PES1: variants seen among roughly 807,000 people sequenced by gnomAD.
The protein encoded by PES1 is pescadillo homolog.
A neutral mutation model predicts 77.1 loss-of-function variants in PES1; 31 were observed. The observed-to-expected ratio is 0.40, with a 90% CI of 0.30 to 0.54. The LOEUF (loss-of-function observed/expected upper bound fraction) is 0.54, where lower values mean the gene tolerates loss of function less well. Among genes scored for constraint, PES1 ranks in the 20% least tolerant of loss-of-function variants. PES1 has a pLI of 0.45. For missense variants in PES1, 658 were observed against 771.7 expected, an observed-to-expected ratio of 0.85 and a Z score of 1.75; for synonymous variants, 282 against 303.0, an observed-to-expected ratio of 0.93 and a Z score of 0.72.
upstream of PES1, among the ~76,000 whole-genome samples, chr22:30,593,769 C>T (rs139408527): frequency 8.8e-5 from 13 of 147,108 alleles, no homozygotes; most frequent in East Asian, 5.8e-4. Context: ...TCAAAATAGC[C>T]GTCATATAGG....
chr22:30,595,126 C>T (rs1407554390), upstream of PES1, among the ~76,000 whole-genome samples: 1 of 152,094 alleles, frequency 6.6e-6, no homozygotes, highest in African/African-American at 2.4e-5. Context: ...CTCCTGTTGC[C>T]CTGGACAATG....
rs756817902 is a variant in PES1 at position 30,581,413 on chromosome 22, T to C, written c.748-5A>G. 5 of 1,613,418 alleles carry C rather than the reference T, an allele frequency of 3.1e-6. No homozygotes were observed. Among genetic ancestry groups the C allele is most frequent in the Non-Finnish European group, 2.5e-6 (3 of 1,179,974 alleles). ...TGCTTGGGCCTGACCCTCGAGCTAG[T>C]AGGCAAAGGGAAGGTCAGGAGGCAG... On this transcript the variant is annotated splice_region_variant and splice_polypyrimidine_tract_variant and intron_variant, in intron 7 of 14. Transcript: ENST00000354694.
Position 30,584,371 on chromosome 22 carries a change from G to A in PES1, c.624C>T (p.Ser208=), listed in dbSNP as rs138940650. ...PIVWITPYAF[S]HDHPTDVDYR... ...TCCCGACAGGCACACTCACGTCATGGGAGAAGGCATAGGGAGTGATCCACA... is the reference window on the plus strand; with the variant it reads ...TCCCGACAGGCACACTCACGTCATGAGAGAAGGCATAGGGAGTGATCCACA... Residue 208 remains serine, a synonymous_variant, in exon 6 of 15, where the codon TCC becomes TCT. Transcript: ENST00000354694. 53 of 1,609,248 alleles carry A rather than the reference G, an allele frequency of 3.3e-5. No individual in the cohort carries two copies. The highest frequency in any genetic ancestry group is 1.0e-4 in the South Asian group (9 of 90,230).
chr22:30,597,853 C>A (rs115692194), intron 2 of PES1, among the ~76,000 whole-genome samples: 2 of 143,726 alleles, frequency 1.4e-5, no homozygotes, highest in African/African-American at 5.2e-5. Flanking sequence ...GTAACTCGCT[C>A]GGTTTTTTTT....
At chr22:30,588,826 C>T (rs1310287566) in intron 2 of PES1, among the ~76,000 whole-genome samples, 1 of 151,328 alleles carries the variant, frequency 6.6e-6, no homozygotes, top group Non-Finnish European at 1.5e-5. Context: ...GCCACAAAGG[C>T]CAGGGACCGC....
intron 2 of PES1, among the ~76,000 whole-genome samples, chr22:30,599,137 TC>T (rs1602028989): frequency 1.3e-5 from 2 of 152,182 alleles, no homozygotes; most frequent in East Asian, 3.9e-4. Flanking sequence ...TGACAAGTGA[TC>T]CACTTGCCTC....
In PES1 at chr22:30,587,057, C is replaced by T. The variant is rs377738551; in HGVS notation, c.368+229G>A. On this transcript the variant is annotated intron_variant, in intron 4 of 14. Coordinates refer to ENST00000354694, the MANE Select transcript of PES1 (RefSeq NM_014303.4). ...GGCCTCTGCTTGGATTGTGCTTCCG[C>T]GGGCTGGCTCAAACGTCTCCCTTCA... is the stretch of plus-strand genomic sequence containing the variant. 7.1e-4 allele frequency: 364 copies of T among 513,104 alleles called. 4 individuals are homozygous for T. The East Asian group carries it at 9.8e-3, about 14-fold the overall frequency. 31.8% of individuals were successfully genotyped at this position (513,104 alleles called of 1,614,324 possible). A position where few individuals can be genotyped will look rare whatever the true frequency, so the allele number is the denominator to read the frequency against.
chr22:30,601,656 TCAC>T (rs1265326363), intron 2 of PES1, among the ~76,000 whole-genome samples: 1 of 152,174 alleles, frequency 6.6e-6, no homozygotes, highest in Non-Finnish European at 1.5e-5. Context: ...CTTAGTTTTA[TCAC>T]TGTTTTTATA....
chr22:30,587,541 G>A, intron 3 of PES1, 146 bp from the exon 4 acceptor site: 1 of 641,554 alleles, frequency 1.6e-6, no homozygotes, highest in Non-Finnish European at 2.7e-6. Flanking sequence ...TGACCCCTCT[G>A]CCCAGGATGA....
intron 14 of PES1, among the ~76,000 whole-genome samples, chr22:30,578,313 A>C (rs2086931737): frequency 6.6e-6 from 1 of 152,150 alleles, no homozygotes; most frequent in Admixed American, 6.5e-5. Context: ...AACAACCTAT[A>C]GCATGACCTC....
intron 14 of PES1, among the ~76,000 whole-genome samples, chr22:30,578,473 G>A (rs966927862): frequency 6.6e-6 from 1 of 152,104 alleles, no homozygotes; most frequent in Non-Finnish European, 1.5e-5. Flanking sequence ...AGCATATATG[G>A]CTTCATGAAC....
chr22:30,599,385 C>T (rs1449538521), intron 2 of PES1, among the ~76,000 whole-genome samples: 1 of 151,878 alleles, frequency 6.6e-6, no homozygotes, highest in South Asian at 2.1e-4. Context: ...TAAACCCAGC[C>T]GAAACCAAAA....
At chr22:30,588,242 G>A in intron 2 of PES1, 68 bp from the exon 3 acceptor site, 4 of 1,594,826 alleles carry the variant, frequency 2.5e-6, no homozygotes, top group South Asian at 2.2e-5. Context: ...GCCACAGCTG[G>A]GCCTGGAAAA....
At chr22:30,605,364 G>A in intron 2 of PES1, 2 of 619,548 alleles carry the variant, frequency 3.2e-6, no homozygotes, top group Non-Finnish European at 4.0e-6. Context: ...CTGAGTCCAG[G>A]TAGGTAGGCA....
chr22:30,588,650 G>A (rs1294395149), intron 2 of PES1, among the ~76,000 whole-genome samples: 4 of 152,072 alleles, frequency 2.6e-5, no homozygotes, highest in South Asian at 2.1e-4. Context: ...AGGCACGGTC[G>A]CCAGCAACTG....
chr22:30,590,474 T>C (rs1200950190), intron 1 of PES1, among the ~76,000 whole-genome samples: 1 of 152,212 alleles, frequency 6.6e-6, no homozygotes, highest in African/African-American at 2.4e-5. Flanking sequence ...CCTTTAGACA[T>C]TAATTGTCTA....
Position 30,602,438 on chromosome 22 carries a change from C to CTTTTT in PES1, c.-661+3018_-661+3022dup, listed in dbSNP as rs60067454. On this transcript the variant is annotated intron_variant, in intron 2 of 16. Transcript: ENST00000402281. ...CTTTATAGCAGTGTGAAAACTAATA[C>CTTTTT]TTTTTTTTTTTTGACACAAGAGTTC... Among the ~76,000 whole-genome samples the CTTTTT allele has an allele frequency of 3.0e-3, 422 of 142,688 alleles. 13 individuals are homozygous for CTTTTT. The highest frequency in any genetic ancestry group is 0.012 in the East Asian group (56 of 4,852). 93.6% of individuals were successfully genotyped at this position (142,688 alleles called of 152,430 possible).
chr22:30,596,581 A>G (rs566974109), upstream of PES1, among the ~76,000 whole-genome samples: 309 of 152,300 alleles, frequency 2.0e-3, 2 homozygotes, highest in African/African-American at 7.2e-3. Context: ...TAGATTACCT[A>G]TTAGGATAAA....
chr22:30,600,177 TAAAA>T (rs199513547), intron 2 of PES1, among the ~76,000 whole-genome samples: 1 of 151,796 alleles, frequency 6.6e-6, no homozygotes. Flanking sequence ...TACTAAAACA[TAAAA>T]AAATTAGCCA....
Sources: gnomAD v4.1 joint callset for allele counts (sites outside exome capture counted in the v4.1 genomes callset) on GRCh38, gnomAD v4.1.1 for gene constraint, MANE v1.5 for transcripts, NCBI Gene and HGNC (gene_info 2026-07-23, HGNC 2026-07-21) for gene names.